Variants in SIL1 observed in about 807,000 individuals in gnomAD.
SIL1 encodes nucleotide exchange factor SIL1.
Under a neutral mutation model 49.1 loss-of-function variants are expected in SIL1, and 40 were observed. The observed-to-expected ratio is 0.81, with a 90% CI of 0.63 to 1.06. The LOEUF is 1.06. SIL1 is among the 50% of genes least tolerant of loss of function. SIL1 has a pLI of 0.00. For synonymous variants in SIL1, 253 were observed against 250.8 expected, an observed-to-expected ratio of 1.01 and a Z score of -0.08; for missense variants, 500 against 572.6, an observed-to-expected ratio of 0.87 and a Z score of 1.29.
At chr5:138,972,343 A>C (rs1767297883) in intron 7 of SIL1, among the ~76,000 whole-genome samples, 1 of 152,160 alleles carries the variant, frequency 6.6e-6, no homozygotes, top group South Asian at 2.1e-4. Flanking sequence ...GGAGTACTTA[A>C]ATGCTCTAGC....
intron 1 of SIL1, among the ~76,000 whole-genome samples, chr5:139,161,909 A>C (rs1751521753): frequency 6.6e-6 from 1 of 151,892 alleles, no homozygotes. Flanking sequence ...ACTACTTGGG[A>C]GGCTGAGGTG....
chr5:139,116,236 G>T (rs1770985007), intron 3 of SIL1, among the ~76,000 whole-genome samples: 1 of 152,234 alleles, frequency 6.6e-6, no homozygotes. Context: ...GATCTGAAAT[G>T]ATCTGACCAG....
At chr5:138,987,891 C>A (rs1038811388) in intron 7 of SIL1, among the ~76,000 whole-genome samples, 3 of 152,220 alleles carry the variant, frequency 2.0e-5, no homozygotes, top group African/African-American at 7.2e-5. Context: ...GGCTAGAGTG[C>A]AATGGCGTGA....
At chr5:139,076,022 C>T (rs954977193) in intron 3 of SIL1, among the ~76,000 whole-genome samples, 10 of 152,200 alleles carry the variant, frequency 6.6e-5, no homozygotes, top group African/African-American at 2.2e-4. Flanking sequence ...TCAAGTCCTT[C>T]CCAAGACCCT....
intron 3 of SIL1, among the ~76,000 whole-genome samples, chr5:139,102,716 T>C (rs1229186097): frequency 1.3e-5 from 2 of 151,186 alleles, no homozygotes; most frequent in Non-Finnish European, 3.0e-5. Context: ...TTCTTTTTTT[T>C]TTTTTTTGTT....
At chr5:139,194,798 C>A (rs1297663287) in intron 1 of SIL1, among the ~76,000 whole-genome samples, 1 of 152,200 alleles carries the variant, frequency 6.6e-6, no homozygotes, top group Non-Finnish European at 1.5e-5. Context: ...TGCAGCAAAA[C>A]TTCACTTAGG....
chr5:139,049,415 G>A (rs1769239086), intron 4 of SIL1, among the ~76,000 whole-genome samples: 3 of 152,180 alleles, frequency 2.0e-5, no homozygotes, highest in Admixed American at 1.3e-4. Context: ...GACCTTAGGT[G>A]ATCCGCCGGC....
At chr5:139,028,791 C>T (rs764910391) in intron 5 of SIL1, among the ~76,000 whole-genome samples, 1 of 152,146 alleles carries the variant, frequency 6.6e-6, no homozygotes, top group Non-Finnish European at 1.5e-5. Context: ...GTGTATCATT[C>T]TATGTAATTT....
chr5:139,026,895 A>T lies in SIL1; in HGVS notation c.551T>A (p.Ile184Asn). Residue 184 changes from isoleucine to asparagine, a missense_variant, in exon 6 of 10, where the codon ATC becomes AAC. Ile to Asn is a moderately radical substitution (Grantham distance 149). Coordinates refer to ENST00000394817, the MANE Select transcript of SIL1 (RefSeq NM_022464.5). ...LNVVIETDMQ[I>N]MVRLINKFNS... ...GAACTTGTTGATCAGCCGTACCATG[A>T]TCTGCATGTCAGTCTCAATGACAAC... The T allele has an allele frequency of 6.2e-7, 1 of 1,614,248 alleles. No homozygotes were observed. Among genetic ancestry groups the T allele is most frequent in the Non-Finnish European group, 8.5e-7 (1 of 1,180,044 alleles).
chr5:138,972,228 C>G (rs1433539866), intron 7 of SIL1, among the ~76,000 whole-genome samples: 1 of 152,214 alleles, frequency 6.6e-6, no homozygotes, highest in Admixed American at 6.6e-5. Context: ...CCGCCGAAAG[C>G]AGTGGTGCTA....
chr5:139,050,908 G>A (rs766971737), intron 4 of SIL1, 30 bp downstream of exon 4: 2 of 1,557,864 alleles, frequency 1.3e-6, no homozygotes, highest in East Asian at 4.5e-5. Flanking sequence ...TTATCACTTA[G>A]CCTCCCAGTC....
chr5:139,116,840 C>T (rs944022357), intron 3 of SIL1, among the ~76,000 whole-genome samples: 4 of 152,136 alleles, frequency 2.6e-5, no homozygotes, highest in Admixed American at 2.6e-4. Context: ...TGTGCCAGGC[C>T]CTGTGTTGAA....
intron 7 of SIL1, among the ~76,000 whole-genome samples, chr5:138,952,293 G>A (rs564657156): frequency 2.6e-5 from 4 of 152,356 alleles, no homozygotes; most frequent in African/African-American, 7.2e-5. Context: ...ATCACACACT[G>A]GGGCAATTAC....
intron 7 of SIL1, among the ~76,000 whole-genome samples, chr5:138,983,225 AAG>A (rs1217756118): frequency 1.4e-4 from 19 of 140,728 alleles, no homozygotes; most frequent in African/African-American, 5.3e-4. Context: ...AAAAAAAAAA[AAG>A]GCCGGGCGCG....
intron 3 of SIL1, among the ~76,000 whole-genome samples, chr5:139,053,275 A>G (rs1220474174): frequency 6.6e-6 from 1 of 152,104 alleles, no homozygotes; most frequent in Non-Finnish European, 1.5e-5. Flanking sequence ...ACTCTACCAC[A>G]TTGATACCCA....
chr5:139,050,720 T>TA (rs1289287469), intron 4 of SIL1, among the ~76,000 whole-genome samples: 2 of 152,240 alleles, frequency 1.3e-5, no homozygotes, highest in Non-Finnish European at 2.9e-5. Context: ...GCATTCCCCC[T>TA]ACAGCCTTTT....
At chr5:139,176,479 A>G (rs1022130079) in intron 1 of SIL1, among the ~76,000 whole-genome samples, 1 of 152,190 alleles carries the variant, frequency 6.6e-6, no homozygotes, top group Non-Finnish European at 1.5e-5. Context: ...CTCAGAACCA[A>G]TTTCTATCTT....
At chr5:138,991,408 G>C (rs1320141983) in intron 7 of SIL1, among the ~76,000 whole-genome samples, 1 of 152,232 alleles carries the variant, frequency 6.6e-6, no homozygotes, top group Non-Finnish European at 1.5e-5. Flanking sequence ...CTGAAACAAA[G>C]GGATTATGGA....
At chr5:139,009,377 C>T (rs1032144424) in intron 7 of SIL1, among the ~76,000 whole-genome samples, 2 of 148,478 alleles carry the variant, frequency 1.3e-5, no homozygotes, top group African/African-American at 5.0e-5. Context: ...AGATGGGTTT[C>T]CTGAACACAG....
Sources: gnomAD v4.1 joint callset for allele counts (sites outside exome capture counted in the v4.1 genomes callset) on GRCh38, gnomAD v4.1.1 for gene constraint, MANE v1.5 for transcripts, NCBI Gene and HGNC (gene_info 2026-07-23, HGNC 2026-07-21) for gene names.